LRP3: variants seen among roughly 807,000 people sequenced by gnomAD.
The protein encoded by LRP3 is low-density lipoprotein receptor-related protein 3.
In LRP3, 49 loss-of-function variants were observed where a neutral mutation model predicts 58.5. The observed-to-expected ratio is 0.84, with a 90% confidence interval of 0.67 to 1.06. LRP3 has a LOEUF of 1.06. LRP3 is among the 50% of genes least tolerant of loss of function. The pLI is 0.00. For synonymous variants in LRP3, 485 were observed against 492.2 expected (o/e 0.99, Z 0.20); for missense variants, 1,019 against 1,134.2 (o/e 0.90, Z 1.46).
At chr19:33,202,512 C>T (rs1974351286) in intron 2 of LRP3, among the ~76,000 whole-genome samples, 1 of 152,178 alleles carries the variant, frequency 6.6e-6, no homozygotes, top group African/African-American at 2.4e-5. Flanking sequence ...GACCCGAGGC[C>T]ACGAGGCTAC....
Position 33,206,635 on chromosome 19 carries a change from G to A in LRP3, c.1627G>A (p.Glu543Lys), listed in dbSNP as rs1245388036. 4 of 1,604,986 alleles carry A rather than the reference G, an allele frequency of 2.5e-6. No homozygotes were observed. The highest frequency in any genetic ancestry group is 1.7e-6 in the Non-Finnish European group (2 of 1,175,482). Residue 543 changes from glutamate (E) to lysine (K), a missense_variant, in exon 6 of 7, where the codon GAG (glutamate) becomes AAG (lysine). By Grantham distance (56) the Glu-to-Lys change is moderately conservative (BLOSUM62 1). Around this residue, in one of 2 missense-constraint regions of LRP3, gnomAD observed 427 missense variants for 408.6 expected, o/e 1.04. Transcript: ENST00000253193. ...FETQMTRLEA[E>K]FVRREAPPSY... ...GACCCAGATGACGCGCCTGGAGGCT[G>A]AGTTCGTGCGGCGGGAGGCACCCCC...
chr19:33,200,335 G>A (rs1043560301), intron 2 of LRP3, among the ~76,000 whole-genome samples: 30 of 152,266 alleles, frequency 2.0e-4, no homozygotes, highest in Middle Eastern at 3.4e-3. Flanking sequence ...GGGTTCAAGC[G>A]ATTCTCCTGC....
rs1461845373 is a variant in LRP3, at chr19:33,202,886, C to T, written c.160C>T (p.Arg54Cys). The change falls in exon 3 of 7, where the codon CGT becomes TGT. Residue 54 changes from arginine (R) to cysteine (C), a missense_variant. Physicochemically the swap from Arg to Cys is radical, Grantham distance 180. Around this residue, in one of 2 missense-constraint regions of LRP3, gnomAD observed 592 missense variants for 725.5 expected, o/e 0.82. Transcript: ENST00000253193. Reference sequence around the variant, plus strand: ...GAAGCTGGAGCAGCACACGGAGCGGCGTGGGGTCATCTACAGCCCGGCCTG... The same window carrying T: ...GAAGCTGGAGCAGCACACGGAGCGGTGTGGGGTCATCTACAGCCCGGCCTG... Reference protein sequence around the residue: ...SGKLEQHTERRGVIYSPAWPL... With the variant: ...SGKLEQHTERCGVIYSPAWPL... 7 of 1,611,244 alleles carry T rather than the reference C, an allele frequency of 4.3e-6. No homozygotes were observed. Among genetic ancestry groups the T allele is most frequent in the Middle Eastern group, 1.6e-4 (1 of 6,072 alleles).
chr19:33,204,370 G>T, intron 3 of LRP3: 1 of 528,470 alleles, frequency 1.9e-6, no homozygotes. Flanking sequence ...TGGAGGGAAG[G>T]GGAGCCGCAG....
chr19:33,205,082 C>T, intron 4 of LRP3, 164 bp from the exon 5 acceptor site: 1 of 852,488 alleles, frequency 1.2e-6, no homozygotes, highest in East Asian at 2.7e-5. Context: ...GAACTCACCC[C>T]TAACCCCAGG....
chr19:33,200,287 A>C (rs1032748753), intron 2 of LRP3, among the ~76,000 whole-genome samples: 4 of 152,022 alleles, frequency 2.6e-5, no homozygotes, highest in African/African-American at 9.7e-5. Flanking sequence ...GCTGGAGTGC[A>C]GTGGTGTGAT....
chr19:33,206,136 C>T lies in LRP3; in HGVS notation c.1366C>T (p.Gln456Ter). ...CGACGAGAAGAACTGCTTCTCCTGC[C>T]AGCCCGGCACCTTCCACTGCGGTAC... is the stretch of plus-strand genomic sequence containing the variant. ...GADEKNCFSC[Q>*]PGTFHCGTNL... Residue 456 changes from glutamine (Q) to a stop codon, truncating the protein, a stop_gained, in exon 5 of 7, where the codon CAG becomes TAG. Transcript: ENST00000253193. LOFTEE classifies it high-confidence loss of function. 1 of 1,608,580 alleles carries T rather than the reference C, an allele frequency of 6.2e-7. No individual in the cohort carries two copies. The highest frequency in any genetic ancestry group is 8.5e-7 in the Non-Finnish European group (1 of 1,179,144).
chr19:33,206,125 GCTT>G lies in LRP3; in HGVS notation c.1358_1360del (p.Phe453del). 6.2e-7 allele frequency: 1 copy of G among 1,609,280 alleles called. No homozygotes were observed. Among genetic ancestry groups the G allele is most frequent in the Non-Finnish European group, 8.5e-7 (1 of 1,179,250 alleles). On this transcript the variant is annotated inframe_deletion, in exon 5 of 7. Transcript: ENST00000253193. ...CCCGACGGCGCCGACGAGAAGAACT[GCTT>G]CTCCTGCCAGCCCGGCACCTTCCAC...
chr19:33,206,362 G>A lies in LRP3; in HGVS notation c.1592G>A (p.Arg531Lys). 6.2e-7 allele frequency: 1 copy of A among 1,605,014 alleles called. No homozygotes were observed. Among genetic ancestry groups the A allele is most frequent in the East Asian group, 2.2e-5 (1 of 44,826 alleles). ...TACTCACTGCGCACGCAGGAATACA[G>A]GTGGGCGCTGTGCCCGCAGCCAGGG... ...KLYSLRTQEY[R>K]AFETQMTRLE... Residue 531 changes from arginine to lysine, a missense_variant and splice_region_variant, in exon 5 of 7, where the codon AGG (arginine) becomes AAG (lysine). By Grantham distance (26) the Arg-to-Lys change is conservative. Coordinates refer to ENST00000253193, the MANE Select transcript of LRP3 (RefSeq NM_002333.4).
In LRP3 at chr19:33,194,402, C is replaced by T. The variant is rs1974261751; in HGVS notation, c.-384C>T. Among the ~76,000 whole-genome samples the T allele has an allele frequency of 1.4e-5, 2 of 144,402 alleles. No homozygotes were observed. 94.7% of individuals were successfully genotyped at this position (144,402 alleles called of 152,430 possible). On this transcript the variant is annotated 5_prime_UTR_variant, in exon 1 of 7. The change creates a new upstream start codon in the 5' untranslated region. Coordinates refer to ENST00000253193, the MANE Select transcript of LRP3 (RefSeq NM_002333.4). ...GGCGCAGCGCGGGGCGGCCCGGGGA[C>T]GCCGGGGCCGGGCGGGCTGCGCGCC...
intron 3 of LRP3, chr19:33,204,261 G>A (rs1974374792): frequency 3.8e-6 from 1 of 261,096 alleles, no homozygotes; most frequent in Non-Finnish European, 7.4e-6. Context: ...AGGGTTCTGG[G>A]CCCTTGGGCC....
Position 33,207,449 on chromosome 19 carries a change from G to T in LRP3, c.2187G>T (p.Gln729His). 1.3e-6 allele frequency: 2 copies of T among 1,598,370 alleles called. No individual in the cohort carries two copies. Among genetic ancestry groups the T allele is most frequent in the Non-Finnish European group, 8.5e-7 (1 of 1,176,650 alleles). Residue 729 changes from glutamine to histidine, a missense_variant, in exon 7 of 7, where the codon CAG becomes CAT. By Grantham distance (24) the Gln-to-His change is conservative (BLOSUM62 0). This residue lies in a region of LRP3 where 427 missense variants were observed against 408.6 expected (regional missense o/e 1.04). Transcript: ENST00000253193. ...GCTCAGCCCAGGACCCGCACCCCCA[G>T]GTCTCCACTGCCAGCAGCACCCTGG... is the stretch of plus-strand genomic sequence containing the variant. ...EPCSAQDPHPQVSTASSTLGP... is the reference protein window; with the variant it reads ...EPCSAQDPHPHVSTASSTLGP...
In LRP3 at chr19:33,207,090, C is replaced by A; in HGVS notation, c.1828C>A (p.Arg610=). Residue 610 remains arginine, a synonymous_variant, in exon 7 of 7, where the codon CGG becomes AGG. Transcript: ENST00000253193. ...CCGCCGCCTCGGCCGCCTCTGGAAC[C>A]GGCTCTTTCACCGGCCGCGGGCGCC... ...SRRRLGRLWN[R]LFHRPRAPRG... 6.6e-7 allele frequency: 1 copy of A among 1,524,104 alleles called. No homozygotes were observed. The highest frequency in any genetic ancestry group is 8.8e-7 in the Non-Finnish European group (1 of 1,139,914). 94.4% of individuals were successfully genotyped at this position (1,524,104 alleles called of 1,614,324 possible).
chr19:33,194,753 A>C lies in LRP3; in HGVS notation c.-33A>C. The C allele has an allele frequency of 1.3e-6, 1 of 793,796 alleles. No homozygotes were observed. Among genetic ancestry groups the C allele is most frequent in the Non-Finnish European group, 1.5e-6 (1 of 662,052 alleles). The allele number at this position is 793,796 out of a possible 1,614,324, so 49.2% of individuals were successfully genotyped here. On this transcript the variant is annotated 5_prime_UTR_variant, in exon 1 of 7. Transcript: ENST00000253193. ...GGAACCGGAGCCGGAGCCGCGGGGC[A>C]GGAGGCGGCGCCCGCGGGCGGCCGG...
At chr19:33,196,658 G>A (rs1269491515) in intron 1 of LRP3, 72 bp from the exon 2 acceptor site, 61 of 1,392,208 alleles carry the variant, frequency 4.4e-5, no homozygotes, top group Non-Finnish European at 6.1e-5. Context: ...TAGCTGTGGT[G>A]TCCCTCATGG....
At chr19:33,200,868 G>A (rs1178474096) in intron 2 of LRP3, among the ~76,000 whole-genome samples, 2 of 152,194 alleles carry the variant, frequency 1.3e-5, no homozygotes, top group East Asian at 1.9e-4. Flanking sequence ...TGATGGTGAC[G>A]CAGTGGTGGC....
In LRP3 at chr19:33,208,784, TTTTTC is replaced by T. The variant is rs1269373503; in HGVS notation, c.*1214_*1218del. 6.0e-6 allele frequency: 9 copies of T among 1,498,874 alleles called. No homozygotes were observed. Among genetic ancestry groups the T allele is most frequent in the Non-Finnish European group, 8.3e-6 (9 of 1,090,510 alleles). 92.8% of individuals were successfully genotyped at this position (1,498,874 alleles called of 1,614,324 possible). A position where few individuals can be genotyped will look rare whatever the true frequency, so the allele number is the denominator to read the frequency against. ...AAACAGGCTTCTGAGAGTCGTATCT[TTTTTC>T]TTTTTTTTCCAGAAAAAAACAAAAC... On this transcript the variant is annotated 3_prime_UTR_variant, in exon 7 of 7. Transcript: ENST00000253193. The surrounding 1 kb of genome is among the most constrained non-coding windows in gnomAD (Gnocchi z 4.7).
In LRP3 at chr19:33,205,241, C is replaced by T. The variant is rs771588133; in HGVS notation, c.476-5C>T. On this transcript the variant is annotated splice_polypyrimidine_tract_variant and splice_region_variant and intron_variant, in intron 4 of 6. Transcript: ENST00000253193. ...ACTGTCCCCTGCTACGTCTCCACCC[C>T]ACAGGGAAGCTGGGCCAGGCATCCT... The T allele has an allele frequency of 2.5e-6, 4 of 1,605,446 alleles. No homozygotes were observed. Among genetic ancestry groups the T allele is most frequent in the African/African-American group, 1.3e-5 (1 of 74,840 alleles).
At position 33,205,819 on chromosome 19, in the gene LRP3, G is replaced by A. The variant is rs752786238; in HGVS notation, c.1049G>A (p.Arg350His). Residue 350 changes from arginine to histidine, a missense_variant, in exon 5 of 7, where the codon CGC becomes CAC. By Grantham distance (29) the Arg-to-His change is conservative (BLOSUM62 0). This residue lies in a region of LRP3 where 592 missense variants were observed against 725.5 expected (regional missense o/e 0.82). Coordinates refer to ENST00000253193, the MANE Select transcript of LRP3 (RefSeq NM_002333.4). The part of the protein sequence containing the change: ...QGRLTVAYHA[R>H]ARSAGHGFNA... ...CGCCTCACTGTGGCCTACCACGCGC[G>A]CGCCCGCAGCGCCGGCCACGGCTTC... 14 of 1,584,216 alleles carry A rather than the reference G, an allele frequency of 8.8e-6. No individual in the cohort carries two copies. Among genetic ancestry groups the A allele is most frequent in the Non-Finnish European group, 9.4e-6 (11 of 1,167,138 alleles).
Sources: gnomAD v4.1 joint callset for allele counts (sites outside exome capture counted in the v4.1 genomes callset) on GRCh38, gnomAD v4.1.1 for gene constraint, gnomAD v4.1.1 regional missense constraint, Gnocchi (gnomAD v3.1) non-coding constraint, MANE v1.5 for transcripts, NCBI Gene and HGNC (gene_info 2026-07-23, HGNC 2026-07-21) for gene names.